The following CNTN3 variants were observed in gnomAD, a reference collection of about 807,000 sequenced individuals.
The protein encoded by CNTN3 is contactin-3.
A neutral mutation model predicts 119.1 loss-of-function variants in CNTN3; 60 were observed. The ratio of observed to expected loss-of-function variants is 0.50; its 90% CI spans 0.41 to 0.62. The LOEUF (loss-of-function observed/expected upper bound fraction) is 0.62. Ranked by LOEUF, CNTN3 falls within the 20% of genes least tolerant of loss-of-function variation. CNTN3 has a pLI of 0.00. For synonymous variants in CNTN3, 450 were observed against 438.7 expected, an observed-to-expected ratio of 1.03 and a Z score of -0.32; for missense variants, 1,101 against 1,242.4, an observed-to-expected ratio of 0.89 and a Z score of 1.71.
chr3:74,272,785 A>G (rs1701804538), intron 20 of CNTN3, among the ~76,000 whole-genome samples: 1 of 152,168 alleles, frequency 6.6e-6, no homozygotes, highest in African/African-American at 2.4e-5. Context: ...ACAAAGAGGG[A>G]GCAGGTTTGG....
chr3:74,553,546 C>A (rs570492419), intron 1 of CNTN3, among the ~76,000 whole-genome samples: 1 of 152,154 alleles, frequency 6.6e-6, no homozygotes, highest in South Asian at 2.1e-4. Context: ...ATTTACACTC[C>A]CACCAACAGT....
At chr3:74,414,022 T>G (rs1701480099) in intron 5 of CNTN3, among the ~76,000 whole-genome samples, 1 of 151,816 alleles carries the variant, frequency 6.6e-6, no homozygotes, top group African/African-American at 2.4e-5. Flanking sequence ...CTATAAAACC[T>G]TAACCAAGTG....
chr3:74,375,258 G>A (rs1704450541), intron 5 of CNTN3, among the ~76,000 whole-genome samples: 4 of 152,136 alleles, frequency 2.6e-5, no homozygotes, highest in Admixed American at 1.3e-4. Context: ...AGGAAAAGTA[G>A]GAGGAGCCAC....
intron 1 of CNTN3, among the ~76,000 whole-genome samples, chr3:74,554,231 T>C (rs1704036350): frequency 6.6e-6 from 1 of 152,172 alleles, no homozygotes; most frequent in African/African-American, 2.4e-5. Context: ...TAGTGGTTGA[T>C]GTGTGGTGTT....
At chr3:74,314,906 T>C (rs1188304605) in intron 13 of CNTN3, among the ~76,000 whole-genome samples, 1 of 152,202 alleles carries the variant, frequency 6.6e-6, no homozygotes, top group East Asian at 1.9e-4. Flanking sequence ...GGCTGAGACC[T>C]TCTGTACTGC....
intron 20 of CNTN3, among the ~76,000 whole-genome samples, chr3:74,283,402 T>C (rs895115175): frequency 6.6e-6 from 1 of 152,190 alleles, no homozygotes. Context: ...CATCACTGTT[T>C]TGTGCAAATT....
chr3:74,515,374 T>C (rs1388639540), intron 2 of CNTN3, among the ~76,000 whole-genome samples: 1 of 152,010 alleles, frequency 6.6e-6, no homozygotes, highest in Non-Finnish European at 1.5e-5. Context: ...CAACTGATAA[T>C]CATGAGGAAA....
At chr3:74,604,439 A>G (rs1001756548) in intron 1 of CNTN3, among the ~76,000 whole-genome samples, 3 of 152,186 alleles carry the variant, frequency 2.0e-5, no homozygotes, top group African/African-American at 7.2e-5. Context: ...TTCAGAATGT[A>G]TAAGGAACTC....
chr3:74,464,753 A>C (rs1447978894), intron 4 of CNTN3, among the ~76,000 whole-genome samples: 1 of 152,232 alleles, frequency 6.6e-6, no homozygotes, highest in Non-Finnish European at 1.5e-5. Context: ...TATTGCAGAA[A>C]ATCAGTCATT....
intron 1 of CNTN3, among the ~76,000 whole-genome samples, chr3:74,542,986 G>T (rs747502613): frequency 3.3e-5 from 5 of 152,066 alleles, no homozygotes; most frequent in Non-Finnish European, 5.9e-5. Flanking sequence ...AGCCAGGCAT[G>T]GTGGCATGTG....
At chr3:74,288,159 C>CTTTTCTTTT (rs1487942663) in intron 19 of CNTN3, among the ~76,000 whole-genome samples, 5 of 90,372 alleles carry the variant, frequency 5.5e-5, no homozygotes, top group African/African-American at 1.7e-4. Context: ...CTTTTCTTTT[C>CTTTTCTTTT]TTTTTTTTTT....
chr3:74,460,074 A>G (rs1286106847), intron 4 of CNTN3, among the ~76,000 whole-genome samples: 1 of 151,794 alleles, frequency 6.6e-6, no homozygotes, highest in Non-Finnish European at 1.5e-5. Flanking sequence ...TTGAGAATAT[A>G]TGTGTGGGTC....
At chr3:74,428,894 C>T (rs1701739004) in intron 4 of CNTN3, among the ~76,000 whole-genome samples, 1 of 152,126 alleles carries the variant, frequency 6.6e-6, no homozygotes, top group African/African-American at 2.4e-5. Flanking sequence ...TTTTCAGAAA[C>T]ACAAATACTC....
chr3:74,278,036 C>A (rs79644608), intron 20 of CNTN3, among the ~76,000 whole-genome samples: 5,547 of 57,574 alleles, frequency 0.096, 247 homozygotes, highest in African/African-American at 0.32. Context: ...AAAAAAAAAA[C>A]CACTTATGAA....
chr3:74,390,859 G>T (rs1338066311), intron 5 of CNTN3, among the ~76,000 whole-genome samples: 1 of 152,128 alleles, frequency 6.6e-6, no homozygotes, highest in East Asian at 1.9e-4. Flanking sequence ...TGATACAGAG[G>T]TTAATACAGG....
intron 5 of CNTN3, among the ~76,000 whole-genome samples, chr3:74,381,961 C>T (rs767391029): frequency 3.3e-5 from 5 of 152,100 alleles, no homozygotes; most frequent in Non-Finnish European, 5.9e-5. Context: ...GTAATACCAG[C>T]ACTTTGGGAG....
At chr3:74,337,156 CA>C (rs1009680377) in intron 11 of CNTN3, among the ~76,000 whole-genome samples, 1 of 151,926 alleles carries the variant, frequency 6.6e-6, no homozygotes, top group African/African-American at 2.4e-5. Flanking sequence ...TGTAATTTTC[CA>C]AAAGAACATT....
At chr3:74,392,148 A>G (rs1399908229) in intron 5 of CNTN3, among the ~76,000 whole-genome samples, 1 of 152,216 alleles carries the variant, frequency 6.6e-6, no homozygotes, top group Non-Finnish European at 1.5e-5. Context: ...AAAAAACAAC[A>G]GTGAGAGAAC....
chr3:74,403,872 CT>C (rs200687151), intron 5 of CNTN3, among the ~76,000 whole-genome samples: 2,141 of 151,688 alleles, frequency 0.014, 50 homozygotes, highest in African/African-American at 0.049. Context: ...CCTGCTCTGT[CT>C]ACTCTTCTCT....
Sources: gnomAD v4.1 joint callset for allele counts (sites outside exome capture counted in the v4.1 genomes callset) on GRCh38, gnomAD v4.1.1 for gene constraint, MANE v1.5 for transcripts, NCBI Gene and HGNC (gene_info 2026-07-23, HGNC 2026-07-21) for gene names.